The following ZNF420 variants were observed in gnomAD, a reference collection of about 807,000 sequenced individuals.
ZNF420 encodes the protein zinc finger protein 420, also known as ATM and p53-associated KZNF protein.
ZNF420 carries 31 observed loss-of-function variants against 44.7 expected under a neutral mutation model. That is an observed-to-expected ratio of 0.69 (90% CI 0.52 to 0.94). ZNF420 has a LOEUF of 0.94. Ranked by LOEUF, ZNF420 falls within the 40% of genes least tolerant of loss-of-function variation. The probability of loss-of-function intolerance (pLI) is 0.00; values close to 1 mark genes in which losing one functional copy is unlikely to be tolerated. For synonymous variants in ZNF420, 245 were observed against 267.4 expected, an observed-to-expected ratio of 0.92 and a Z score of 0.82; for missense variants, 681 against 827.9, an observed-to-expected ratio of 0.82 and a Z score of 2.18.
intron 1 of ZNF420, among the ~76,000 whole-genome samples, chr19:37,040,666 T>C (rs891525588): frequency 2.6e-5 from 4 of 152,048 alleles, no homozygotes; most frequent in African/African-American, 7.3e-5. Flanking sequence ...AATAAAGAGG[T>C]TATCATAAGA....
intron 4 of ZNF420, among the ~76,000 whole-genome samples, chr19:37,116,645 C>G (rs1429326916): frequency 6.6e-6 from 1 of 152,138 alleles, no homozygotes; most frequent in Non-Finnish European, 1.5e-5. Flanking sequence ...CGAGCCGAAG[C>G]AGGGCGAGGC....
At chr19:37,115,422 C>T (rs12463280) in intron 4 of ZNF420, among the ~76,000 whole-genome samples, 3 of 151,786 alleles carry the variant, frequency 2.0e-5, no homozygotes, top group Admixed American at 6.6e-5. Context: ...GTGGCAGGAC[C>T]GTAGGGTAAT....
intron 1 of ZNF420, among the ~76,000 whole-genome samples, chr19:37,056,874 A>G (rs981366132): frequency 6.6e-6 from 1 of 152,128 alleles, no homozygotes. Flanking sequence ...GTCGCCGCCT[A>G]CCGGACCGGG....
At chr19:37,123,668 A>G (rs1354927006) in intron 4 of ZNF420, among the ~76,000 whole-genome samples, 2 of 132,162 alleles carry the variant, frequency 1.5e-5, no homozygotes, top group South Asian at 2.4e-4. Context: ...CAGTGGTGCA[A>G]TCTTGGCTCA....
intron 1 of ZNF420, among the ~76,000 whole-genome samples, chr19:37,036,914 C>A (rs1395484547): frequency 6.6e-6 from 1 of 152,224 alleles, no homozygotes; most frequent in East Asian, 1.9e-4. Context: ...CCCACAAGGT[C>A]AAAGTTGAGT....
At chr19:37,089,190 A>G in intron 3 of ZNF420, 63 bp downstream of exon 3, 1 of 1,418,812 alleles carries the variant, frequency 7.0e-7, no homozygotes, top group Non-Finnish European at 1.0e-6. Flanking sequence ...GTGTGTTTGT[A>G]TTCCTTACTC....
chr19:37,017,838 A>G (rs1192770384), intron 1 of ZNF420, among the ~76,000 whole-genome samples: 1 of 152,216 alleles, frequency 6.6e-6, no homozygotes, highest in East Asian at 1.9e-4. Context: ...AAAAAAAACA[A>G]CAACCGGCAT....
Position 37,038,436 on chromosome 19 carries a change from G to A in ZNF420, c.-125+30354G>A, listed in dbSNP as rs138314135. ...TCTTCCTTTCACCAAAGATTTCACT[G>A]TAGCATGCTGTGCAGCTTGATAGCA... On this transcript the variant is annotated intron_variant, in intron 1 of 4. Coordinates refer to the ZNF420 transcript ENST00000587029. Among the ~76,000 whole-genome samples, 5 of 152,276 alleles carry A rather than the reference G, an allele frequency of 3.3e-5. No individual in the cohort carries two copies. The East Asian group carries it at 9.6e-4, about 29-fold the overall frequency.
Position 37,129,177 on chromosome 19 carries a change from A to C in ZNF420, c.*119A>C. The C allele has an allele frequency of 7.8e-7, 1 of 1,279,956 alleles. No individual in the cohort carries two copies. The highest frequency in any genetic ancestry group is 1.5e-5 in the African/African-American group (1 of 67,396). 79.3% of individuals were successfully genotyped at this position (1,279,956 alleles called of 1,614,324 possible). A position where few individuals can be genotyped will look rare whatever the true frequency, so the allele number is the denominator to read the frequency against. ...CATAAAGCACAGCATCAGATAATTTATGTGAGAGAAAATGGTAGTGTCATT... is the reference window on the plus strand; with the variant it reads ...CATAAAGCACAGCATCAGATAATTTCTGTGAGAGAAAATGGTAGTGTCATT... On this transcript the variant is annotated 3_prime_UTR_variant, in exon 5 of 5. Coordinates refer to ENST00000337995, the MANE Select transcript of ZNF420 (RefSeq NM_144689.5).
Position 37,127,246 on chromosome 19 carries a change from T to A in ZNF420, c.255T>A (p.Asn85Lys), listed in dbSNP as rs1971397418. The change falls in exon 5 of 5, where the codon AAT becomes AAA. Residue 85 changes from asparagine to lysine, a missense_variant. Coordinates refer to ENST00000337995, the MANE Select transcript of ZNF420 (RefSeq NM_144689.5). ...RLENCDLEES[N>K]SRDYLEAKGK... is the part of the protein sequence containing the mutation. ...AAAACTGTGATCTTGAAGAGTCCAATTCCAGGGATTATTTGGAAGCCAAAG... is the reference window on the plus strand; with the variant it reads ...AAAACTGTGATCTTGAAGAGTCCAAATCCAGGGATTATTTGGAAGCCAAAG... 6.2e-7 allele frequency: 1 copy of A among 1,613,346 alleles called. No homozygotes were observed. Among genetic ancestry groups the A allele is most frequent in the Admixed American group, 1.7e-5 (1 of 59,894 alleles).
intron 1 of ZNF420, among the ~76,000 whole-genome samples, chr19:37,033,347 T>C (rs752838118): frequency 6.6e-6 from 1 of 152,188 alleles, no homozygotes; most frequent in Non-Finnish European, 1.5e-5. Flanking sequence ...TCTGTACCCT[T>C]TAAACAATAG....
At chr19:37,114,795 G>C (rs1394170455) in intron 4 of ZNF420, among the ~76,000 whole-genome samples, 1 of 152,048 alleles carries the variant, frequency 6.6e-6, no homozygotes, top group Non-Finnish European at 1.5e-5. Context: ...CAGTTCTAAA[G>C]CTACTTTAAT....
chr19:37,049,662 AG>A (rs1204279503), intron 1 of ZNF420, among the ~76,000 whole-genome samples: 5 of 152,104 alleles, frequency 3.3e-5, no homozygotes, highest in African/African-American at 9.7e-5. Context: ...CCCATTCTGT[AG>A]GTTGCCTGTT....
chr19:37,119,370 T>A (rs1454987570), intron 4 of ZNF420, among the ~76,000 whole-genome samples: 1 of 152,200 alleles, frequency 6.6e-6, no homozygotes, highest in Non-Finnish European at 1.5e-5. Context: ...CCTGAATGAC[T>A]ACTGGGTACA....
At chr19:37,021,057 T>A (rs1345305072) in intron 1 of ZNF420, among the ~76,000 whole-genome samples, 14 of 152,230 alleles carry the variant, frequency 9.2e-5, no homozygotes, top group Non-Finnish European at 2.1e-4. Flanking sequence ...TTTCACAATT[T>A]TTAAAAATTA....
intron 1 of ZNF420, among the ~76,000 whole-genome samples, chr19:37,017,528 C>T (rs376127501): frequency 1.2e-4 from 18 of 152,238 alleles, no homozygotes; most frequent in South Asian, 2.1e-4. Flanking sequence ...GAAATCCTAA[C>T]GTGTAATATA....
At chr19:37,052,164 A>G (rs1200545437) in intron 1 of ZNF420, among the ~76,000 whole-genome samples, 12 of 151,278 alleles carry the variant, frequency 7.9e-5, no homozygotes, top group African/African-American at 2.9e-4. Context: ...AGTCTGTTTT[A>G]TCAGAGACTA....
intron 2 of ZNF420, among the ~76,000 whole-genome samples, chr19:37,081,492 T>C: frequency 6.7e-6 from 1 of 148,184 alleles, no homozygotes; most frequent in South Asian, 2.1e-4. Context: ...TTCTTTCAGT[T>C]TCTGCTTCAT....
Position 37,129,356 on chromosome 19 carries a change from A to G in ZNF420, c.*298A>G, listed in dbSNP as rs1363588545. ...CTCTACTAGTTGATCTTTTTGTTAT[A>G]TGTATCATGATACTTAACCTCTACC... On this transcript the variant is annotated 3_prime_UTR_variant, in exon 5 of 5. Transcript: ENST00000337995. 9.1e-6 allele frequency: 3 copies of G among 328,840 alleles called. No individual in the cohort carries two copies. The highest frequency in any genetic ancestry group is 4.7e-5 in the South Asian group (1 of 21,346). 20.4% of individuals were successfully genotyped at this position (328,840 alleles called of 1,614,324 possible). A position where few individuals can be genotyped will look rare whatever the true frequency, so the allele number is the denominator to read the frequency against.
Sources: allele counts gnomAD v4.1 joint callset (sites outside exome capture counted in the v4.1 genomes callset), GRCh38; gene constraint gnomAD v4.1.1; transcripts MANE v1.5; gene names NCBI Gene and HGNC (gene_info 2026-07-23, HGNC 2026-07-21).